ITGAM: variants seen among roughly 807,000 people sequenced by gnomAD.
The protein encoded by ITGAM is integrin alpha-M.
ITGAM carries 79 observed loss-of-function variants against 137.5 expected under a neutral mutation model. That is an observed-to-expected ratio of 0.57 (90% CI 0.48 to 0.69). The LOEUF (loss-of-function observed/expected upper bound fraction) is 0.69, where lower values mean the gene tolerates loss of function less well. Among genes scored for constraint, ITGAM ranks in the 30% least tolerant of loss-of-function variants. The pLI is 0.00. For synonymous variants in ITGAM, 583 were observed against 592.3 expected, an observed-to-expected ratio of 0.98 and a Z score of 0.23; for missense variants, 1,343 against 1,483.5, an observed-to-expected ratio of 0.91 and a Z score of 1.56.
chr16:31,279,062 T>C (rs552382143), intron 12 of ITGAM, among the ~76,000 whole-genome samples: 1 of 152,336 alleles, frequency 6.6e-6, no homozygotes, highest in Non-Finnish European at 1.5e-5. Context: ...ACAAAGGACA[T>C]GAACTCATCC....
intron 16 of ITGAM, among the ~76,000 whole-genome samples, chr16:31,323,110 G>C (rs1413199723): frequency 2.0e-5 from 3 of 151,896 alleles, no homozygotes; most frequent in African/African-American, 7.3e-5. Flanking sequence ...GAATAGGATG[G>C]AATAGGAAAG....
In ITGAM at chr16:31,297,653, G is replaced by T. The variant is rs2080149135; in HGVS notation, c.1496G>T (p.Gly499Val). 1.9e-6 allele frequency: 3 copies of T among 1,612,474 alleles called. No homozygotes were observed. Among genetic ancestry groups the T allele is most frequent in the South Asian group, 1.1e-5 (1 of 90,994 alleles). Residue 499 changes from glycine (G) to valine (V), a missense_variant and splice_region_variant, in exon 13 of 30, where the codon GGG becomes GTG. Physicochemically the swap from Gly to Val is moderately radical, Grantham distance 109. Coordinates refer to ENST00000544665, the MANE Select transcript of ITGAM (RefSeq NM_000632.4). ...GTGTCCGTGTGCCCCTTGCCCAGGG[G>T]GGTGAGTGGCAATGGGACCTGGGCT... ...GQVSVCPLPR[G>V]RARWQCDAVL...
At chr16:31,328,508 G>A (rs567284605) in intron 23 of ITGAM, among the ~76,000 whole-genome samples, 1 of 151,690 alleles carries the variant, frequency 6.6e-6, no homozygotes, top group Non-Finnish European at 1.5e-5. Flanking sequence ...GGATGTGAGT[G>A]TGATCTATGT....
intron 5 of ITGAM, among the ~76,000 whole-genome samples, chr16:31,267,665 T>C (rs1367611893): frequency 2.0e-5 from 3 of 152,092 alleles, no homozygotes; most frequent in Admixed American, 1.3e-4. Flanking sequence ...TTTTCTTTTT[T>C]TTTTGGAGAC....
At chr16:31,295,952 C>A (rs943733977) in intron 12 of ITGAM, among the ~76,000 whole-genome samples, 3 of 151,114 alleles carry the variant, frequency 2.0e-5, no homozygotes, top group Non-Finnish European at 4.4e-5. Flanking sequence ...TTGTCAAATG[C>A]TTTTTTTTGC....
At chr16:31,292,689 A>C (rs2080098606) in intron 12 of ITGAM, among the ~76,000 whole-genome samples, 1 of 152,056 alleles carries the variant, frequency 6.6e-6, no homozygotes, top group African/African-American at 2.4e-5. Context: ...GGTTGATTCC[A>C]TGTTTTGCTA....
At chr16:31,280,978 C>T (rs1024369251) in intron 12 of ITGAM, among the ~76,000 whole-genome samples, 18 of 152,090 alleles carry the variant, frequency 1.2e-4, no homozygotes, top group African/African-American at 4.1e-4. Context: ...GAGATAATCA[C>T]GTGGTTTTTG....
At chr16:31,294,041 G>T (rs909660535) in intron 12 of ITGAM, among the ~76,000 whole-genome samples, 1 of 151,950 alleles carries the variant, frequency 6.6e-6, no homozygotes, top group Non-Finnish European at 1.5e-5. Context: ...CCCAGCTCTT[G>T]TTGGTGTATA....
At chr16:31,315,871 T>C (rs889569439) in intron 14 of ITGAM, among the ~76,000 whole-genome samples, 3 of 152,050 alleles carry the variant, frequency 2.0e-5, no homozygotes, top group Admixed American at 2.0e-4. Context: ...CCTTTCCCCA[T>C]TGTATGCCCT....
intron 14 of ITGAM, among the ~76,000 whole-genome samples, chr16:31,302,388 CTT>C (rs1471028251): frequency 4.0e-5 from 6 of 149,020 alleles, no homozygotes; most frequent in African/African-American, 1.0e-4. Flanking sequence ...CTTTTCTTTT[CTT>C]TTTTCTTTTC....
At chr16:31,285,427 G>C (rs1017751034) in intron 12 of ITGAM, among the ~76,000 whole-genome samples, 1 of 151,940 alleles carries the variant, frequency 6.6e-6, no homozygotes, top group Non-Finnish European at 1.5e-5. Context: ...AGTTTGAGAC[G>C]AGCCTGGCCG....
chr16:31,316,019 C>A (rs1473506890), intron 14 of ITGAM, among the ~76,000 whole-genome samples: 13 of 69,606 alleles, frequency 1.9e-4, no homozygotes, highest in Non-Finnish European at 2.7e-5. Flanking sequence ...AAGGTGAAAC[C>A]CCGTCTCTAC....
intron 12 of ITGAM, among the ~76,000 whole-genome samples, chr16:31,292,474 C>G (rs1042717340): frequency 6.6e-6 from 1 of 151,976 alleles, no homozygotes. Flanking sequence ...TTCATAAGTT[C>G]TTTATAGTTT....
intron 14 of ITGAM, among the ~76,000 whole-genome samples, chr16:31,319,489 C>G (rs2080425597): frequency 6.6e-6 from 1 of 152,090 alleles, no homozygotes; most frequent in African/African-American, 2.4e-5. Context: ...TCATCCTGCT[C>G]TCTTTTGGTT....
At position 31,306,376 on chromosome 16, in the gene ITGAM, A is replaced by T. The variant is rs531116414; in HGVS notation, c.1707+8422A>T. Among the ~76,000 whole-genome samples, 44 of 152,322 alleles carry T rather than the reference A, an allele frequency of 2.9e-4. 2 individuals are homozygous for T. In the South Asian group the frequency reaches 7.9e-3, roughly 27 times the overall value. ...AAATTAAACAACTAAAAGCTACAAA[A>T]ATCTCAAAGTTTGAGTTTTAAACTG... On this transcript the variant is annotated intron_variant, in intron 14 of 29. Transcript: ENST00000544665.
intron 12 of ITGAM, among the ~76,000 whole-genome samples, chr16:31,278,888 T>A (rs1409232083): frequency 6.6e-6 from 1 of 152,130 alleles, no homozygotes; most frequent in Non-Finnish European, 1.5e-5. Flanking sequence ...CCCTTCCCTC[T>A]CCCTCCACCC....
intron 12 of ITGAM, among the ~76,000 whole-genome samples, chr16:31,283,252 T>C (rs1372026615): frequency 1.3e-5 from 2 of 152,172 alleles, no homozygotes; most frequent in African/African-American, 2.4e-5. Context: ...TTTCCTGAAT[T>C]TGAATGTTGG....
chr16:31,290,365 T>G (rs745485264), intron 12 of ITGAM, among the ~76,000 whole-genome samples: 3 of 152,112 alleles, frequency 2.0e-5, no homozygotes, highest in Non-Finnish European at 4.4e-5. Context: ...TAAAACCCAG[T>G]GAACCTTATA....
At chr16:31,312,490 A>G (rs1158889896) in intron 14 of ITGAM, among the ~76,000 whole-genome samples, 2 of 152,124 alleles carry the variant, frequency 1.3e-5, no homozygotes, top group Non-Finnish European at 2.9e-5. Flanking sequence ...GAAGTGGTGC[A>G]ATCATGGCTC....
Sources: gnomAD v4.1 joint callset for allele counts (sites outside exome capture counted in the v4.1 genomes callset) on GRCh38, gnomAD v4.1.1 for gene constraint, MANE v1.5 for transcripts, NCBI Gene and HGNC (gene_info 2026-07-23, HGNC 2026-07-21) for gene names.